MLLT1: variants seen among roughly 807,000 people sequenced by gnomAD.
MLLT1 encodes protein ENL.
A neutral mutation model predicts 55.1 loss-of-function variants in MLLT1; 11 were observed. The observed-to-expected ratio is 0.20, with a 90% CI of 0.13 to 0.33. The LOEUF (loss-of-function observed/expected upper bound fraction) is 0.33, where lower values mean the gene tolerates loss of function less well. Ranked by LOEUF, MLLT1 falls within the 10% of genes least tolerant of loss-of-function variation. MLLT1 has a pLI of 1.00. For missense variants in MLLT1, 536 were observed against 760.6 expected (o/e 0.70, Z 3.47); for synonymous variants, 323 against 320.1 (o/e 1.01, Z -0.10).
rs1011831241 is a variant in MLLT1 at position 6,212,494 on chromosome 19, T to A, written c.*548A>T. 22 of 1,066,324 alleles carry A rather than the reference T, an allele frequency of 2.1e-5. No homozygotes were observed. The highest frequency in any genetic ancestry group is 5.0e-5 in the East Asian group (1 of 20,042). The allele number at this position is 1,066,324 out of a possible 1,614,324, so 66.1% of individuals were successfully genotyped here. On this transcript the variant is annotated 3_prime_UTR_variant, in exon 12 of 12. Coordinates refer to ENST00000252674, the MANE Select transcript of MLLT1 (RefSeq NM_005934.4). Reference sequence around the variant, plus strand: ...CCAGACAGTGCACACACATATATAATAGAGAGAACTATACAGCACAGACCC... The same window carrying A: ...CCAGACAGTGCACACACATATATAAAAGAGAGAACTATACAGCACAGACCC...
intron 1 of MLLT1, among the ~76,000 whole-genome samples, chr19:6,276,127 G>A (rs902739835): frequency 6.6e-6 from 1 of 152,198 alleles, no homozygotes; most frequent in Non-Finnish European, 1.5e-5. Context: ...GGCATAAAGG[G>A]AAATGGGACT....
In MLLT1 at chr19:6,211,524, GCCCC is replaced by G; in HGVS notation, c.*1514_*1517del. On this transcript the variant is annotated 3_prime_UTR_variant, in exon 12 of 12. Transcript: ENST00000252674. This position sits in a 1 kb window ranked among gnomAD's most constrained non-coding sequence, Gnocchi z 4.6. Reference sequence around the variant, plus strand: ...GGGACCTCAGGGAGGGACAGATGGAGCCCCCCAAGTCTGAACTCATAGGCTGGGG... The same window carrying G: ...GGGACCTCAGGGAGGGACAGATGGAGCCAAGTCTGAACTCATAGGCTGGGG... 1.2e-6 allele frequency: 1 copy of G among 837,952 alleles called. No individual in the cohort carries two copies. The highest frequency in any genetic ancestry group is 1.8e-5 in the African/African-American group (1 of 56,600). 51.9% of individuals were successfully genotyped at this position (837,952 alleles called of 1,614,324 possible).
chr19:6,214,194 A>G (rs1218801160), intron 8 of MLLT1, among the ~76,000 whole-genome samples, 156 bp from the exon 9 acceptor site: 1 of 152,032 alleles, frequency 6.6e-6, no homozygotes, highest in African/African-American at 2.4e-5. Flanking sequence ...CAACTTAAAA[A>G]TACTGTGTGT....
In MLLT1 at chr19:6,235,186, T is replaced by A. The variant is rs2091048177; in HGVS notation, c.277-4473A>T. On this transcript the variant is annotated intron_variant, in intron 3 of 11. Coordinates refer to ENST00000252674, the MANE Select transcript of MLLT1 (RefSeq NM_005934.4). The surrounding 1 kb of genome is among the most constrained non-coding windows in gnomAD (Gnocchi z 5.5). ...GGGTGACGGCTACGAGGGGGTTTGTTGCATCTGCCTCTGTAAATGCTTCCA... is the reference window on the plus strand; with the variant it reads ...GGGTGACGGCTACGAGGGGGTTTGTAGCATCTGCCTCTGTAAATGCTTCCA... Among the ~76,000 whole-genome samples, 1 of 152,226 alleles carries A rather than the reference T, an allele frequency of 6.6e-6. No homozygotes were observed. Among genetic ancestry groups the A allele is most frequent in the East Asian group, 1.9e-4 (1 of 5,196 alleles).
Position 6,245,191 on chromosome 19 carries a change from A to T in MLLT1, c.277-14478T>A, listed in dbSNP as rs534880682. ...CTCTCTAACAAAAAAAAATTTTTTT[A>T]AATCTTTTCTTTTTTTCCTTTCTTT... is the stretch of plus-strand genomic sequence containing the variant. On this transcript the variant is annotated intron_variant, in intron 3 of 11. Transcript: ENST00000252674. 1.7e-3 allele frequency among the ~76,000 whole-genome samples: 265 copies of T among 151,942 alleles called. 3 individuals carry two copies. Among genetic ancestry groups the T allele is most frequent in the South Asian group, 3.5e-3 (17 of 4,814 alleles).
chr19:6,252,397 A>G (rs893731782), intron 3 of MLLT1, among the ~76,000 whole-genome samples: 1 of 152,176 alleles, frequency 6.6e-6, no homozygotes, highest in Non-Finnish European at 1.5e-5. Context: ...TATTCCCCCA[A>G]TAAGTTCCCT....
Position 6,227,695 on chromosome 19 carries a change from C to T in MLLT1, c.421-593G>A, listed in dbSNP as rs1037805111. Among the ~76,000 whole-genome samples the T allele has an allele frequency of 6.6e-5, 10 of 152,148 alleles. No homozygotes were observed. Among genetic ancestry groups the T allele is most frequent in the African/African-American group, 1.9e-4 (8 of 41,420 alleles). On this transcript the variant is annotated intron_variant, in intron 4 of 11. Transcript: ENST00000252674. This position sits in a 1 kb window ranked among gnomAD's most constrained non-coding sequence, Gnocchi z 5.1. ...GGGGGGTCTCTCTGCAAAGCAGGCC[C>T]GAGTGAGCCAGCGAGCCTGCAGCAT...
At chr19:6,266,732 C>G (rs1242413910) in intron 2 of MLLT1, among the ~76,000 whole-genome samples, 1 of 152,184 alleles carries the variant, frequency 6.6e-6, no homozygotes, top group Admixed American at 6.5e-5. Context: ...TCTGGGATTA[C>G]AGGCATGAGC....
chr19:6,239,678 G>A (rs902155854), intron 3 of MLLT1, among the ~76,000 whole-genome samples: 2 of 151,550 alleles, frequency 1.3e-5, no homozygotes, highest in Non-Finnish European at 2.9e-5. Context: ...ACCTACCTGT[G>A]TACAAACACA....
chr19:6,242,376 G>A (rs1313643559), intron 3 of MLLT1, among the ~76,000 whole-genome samples: 5 of 152,144 alleles, frequency 3.3e-5, no homozygotes, highest in South Asian at 4.1e-4. Flanking sequence ...AGGCCAGTGC[G>A]GTTTAACTTA....
At chr19:6,238,545 C>T (rs1042356801) in intron 3 of MLLT1, among the ~76,000 whole-genome samples, 4 of 152,332 alleles carry the variant, frequency 2.6e-5, no homozygotes, top group Admixed American at 1.3e-4. Context: ...ATGCTTTTTA[C>T]GTCATCTATA....
chr19:6,227,762 G>A lies in MLLT1; in HGVS notation c.421-660C>T, dbSNP rs553339296. Among the ~76,000 whole-genome samples the A allele has an allele frequency of 1.3e-5, 2 of 152,184 alleles. No individual in the cohort carries two copies. Among genetic ancestry groups the A allele is most frequent in the African/African-American group, 4.8e-5 (2 of 41,442 alleles). ...CGCTCCATCAGAGGCTACGGATGAC[G>A]AAAGTTCTGGGGTCCTTCCAGGAGG... On this transcript the variant is annotated intron_variant, in intron 4 of 11. Coordinates refer to ENST00000252674, the MANE Select transcript of MLLT1 (RefSeq NM_005934.4). This position sits in a 1 kb window ranked among gnomAD's most constrained non-coding sequence, Gnocchi z 5.1.
At chr19:6,271,168 C>G (rs570894481) in intron 1 of MLLT1, among the ~76,000 whole-genome samples, 2 of 152,272 alleles carry the variant, frequency 1.3e-5, no homozygotes, top group African/African-American at 4.8e-5. Flanking sequence ...CCTCCCCTGA[C>G]CACCGATCCA....
intron 3 of MLLT1, among the ~76,000 whole-genome samples, chr19:6,248,964 C>A (rs554231184): frequency 6.6e-6 from 1 of 152,086 alleles, no homozygotes; most frequent in Non-Finnish European, 1.5e-5. Context: ...AGTCAGGAAC[C>A]ATACTCGGTT....
Position 6,230,717 on chromosome 19 carries a change from A to C in MLLT1, c.277-4T>G. The C allele has an allele frequency of 6.2e-7, 1 of 1,613,890 alleles. No individual in the cohort carries two copies. The highest frequency in any genetic ancestry group is 8.5e-7 in the Non-Finnish European group (1 of 1,179,966). On this transcript the variant is annotated splice_polypyrimidine_tract_variant and splice_region_variant and intron_variant, in intron 3 of 11. Transcript: ENST00000252674. The surrounding 1 kb of genome is among the most constrained non-coding windows in gnomAD (Gnocchi z 9.0). ...AGCAGACCTTCCTCGGCTCCTCCTG[A>C]AACAGAGAAAACAAGAAAGTCTGCA...
At chr19:6,218,169 A>T in intron 6 of MLLT1, 128 bp from the exon 7 acceptor site, 3 of 1,366,106 alleles carry the variant, frequency 2.2e-6, no homozygotes, top group Non-Finnish European at 2.9e-6. Context: ...CTAGGGTCCC[A>T]AGGGTACCCA....
intron 2 of MLLT1, among the ~76,000 whole-genome samples, chr19:6,267,244 G>A (rs541039147): frequency 3.9e-5 from 6 of 152,040 alleles, no homozygotes; most frequent in Non-Finnish European, 8.8e-5. Context: ...TGGGACTAAA[G>A]GCATGCGCCA....
rs982998497 is a variant in MLLT1 at position 6,211,380 on chromosome 19, C to T, written c.*1662G>A. 3 of 236,156 alleles carry T rather than the reference C, an allele frequency of 1.3e-5. No individual in the cohort carries two copies. Among genetic ancestry groups the T allele is most frequent in the South Asian group, 1.8e-4 (1 of 5,570 alleles). 14.6% of individuals were successfully genotyped at this position (236,156 alleles called of 1,614,324 possible). ...TCCTCCGAAGGTTCTCGGGCCTTTC[C>T]CCGAGAGTTCTGGGGAGTTTCCCCA... On this transcript the variant is annotated 3_prime_UTR_variant, in exon 12 of 12. Coordinates refer to ENST00000252674, the MANE Select transcript of MLLT1 (RefSeq NM_005934.4). The surrounding 1 kb of genome is among the most constrained non-coding windows in gnomAD (Gnocchi z 4.6).
At chr19:6,265,050 AAAAAAAC>A (rs1568296300) in intron 2 of MLLT1, among the ~76,000 whole-genome samples, 164 of 13,682 alleles carry the variant, frequency 0.012, 6 homozygotes, top group South Asian at 0.027. Flanking sequence ...AAAAAAAAAC[AAAAAAAC>A]AAAAAAACAA....
Sources: allele counts gnomAD v4.1 joint callset (sites outside exome capture counted in the v4.1 genomes callset), GRCh38; gene constraint gnomAD v4.1.1; non-coding constraint Gnocchi (gnomAD v3.1); transcripts MANE v1.5; gene names NCBI Gene and HGNC (gene_info 2026-07-23, HGNC 2026-07-21).